The following NSD3 variants were observed in gnomAD, a reference collection of about 807,000 sequenced individuals.
The protein encoded by NSD3 is nuclear receptor binding SET domain protein 3.
In NSD3, 24 loss-of-function variants were observed where a neutral mutation model predicts 160.8. The observed-to-expected ratio is 0.15, with a 90% CI of 0.11 to 0.21. NSD3 has a LOEUF of 0.21. NSD3 is among the 10% of genes least tolerant of loss of function. The pLI, the probability that NSD3 is intolerant of heterozygous loss-of-function variation, is 1.00. For synonymous variants in NSD3, 520 were observed against 600.0 expected (o/e 0.87, Z 1.95); for missense variants, 1,157 against 1,735.9 (o/e 0.67, Z 5.93).
chr8:38,339,152 CA>C lies in NSD3; in HGVS notation c.676-546del, dbSNP rs796533713. ...GAGACTCTGTCTCAAAAAAAAAAAACAAAAAAAAAACCCACTTAATTTCTAA... is the reference window on the plus strand; with the variant it reads ...GAGACTCTGTCTCAAAAAAAAAAAACAAAAAAAAACCCACTTAATTTCTAA... On this transcript the variant is annotated intron_variant, in intron 2 of 23. Transcript: ENST00000317025. 3.5e-3 allele frequency among the ~76,000 whole-genome samples: 452 copies of C among 130,770 alleles called. 3 individuals carry two copies. Among genetic ancestry groups the C allele is most frequent in the Middle Eastern group, 0.026 (7 of 266 alleles). The allele number at this position is 130,770 out of a possible 152,430, so 85.8% of individuals were successfully genotyped here.
chr8:38,368,783 C>T (rs2150394099), intron 1 of NSD3, among the ~76,000 whole-genome samples: 1 of 152,300 alleles, frequency 6.6e-6, no homozygotes, highest in South Asian at 2.1e-4. Context: ...ACATTATTTT[C>T]CAATCCTTTA....
In NSD3 at chr8:38,329,306, T is replaced by C. The variant is rs1170346530; in HGVS notation, c.1581+72A>G. 5.3e-6 allele frequency: 8 copies of C among 1,503,824 alleles called. No homozygotes were observed. Among genetic ancestry groups the C allele is most frequent in the Middle Eastern group, 1.8e-4 (1 of 5,654 alleles). The allele number at this position is 1,503,824 out of a possible 1,614,324, so 93.2% of individuals were successfully genotyped here. A position where few individuals can be genotyped will look rare whatever the true frequency, so the allele number is the denominator to read the frequency against. The stretch of plus-strand genomic sequence containing the variant: ...GGGTATTTAAATTATGCCAAGGTCA[T>C]TGTTTTAAATGCCAAGGTTGACCAC... On this transcript the variant is annotated intron_variant, in intron 6 of 23. Coordinates refer to ENST00000317025, the MANE Select transcript of NSD3 (RefSeq NM_023034.2). The surrounding 1 kb of genome is among the most constrained non-coding windows in gnomAD (Gnocchi z 4.8).
chr8:38,376,877 T>G (rs944515858), intron 1 of NSD3, among the ~76,000 whole-genome samples: 6 of 152,240 alleles, frequency 3.9e-5, no homozygotes, highest in African/African-American at 1.4e-4. Context: ...CTATCTCTCT[T>G]CCATTTAACA....
At chr8:38,278,433 T>C (rs1808663247) in intron 21 of NSD3, 21 bp from the exon 22 acceptor site, 2 of 1,586,702 alleles carry the variant, frequency 1.3e-6, no homozygotes, top group East Asian at 2.3e-5. Context: ...GGAGAAATAA[T>C]TATTCAAACT....
In NSD3 at chr8:38,337,396, A is replaced by G. The variant is rs748588546; in HGVS notation, c.819T>C (p.Leu273=). 9.3e-6 allele frequency: 15 copies of G among 1,612,834 alleles called. No individual in the cohort carries two copies. Among genetic ancestry groups the G allele is most frequent in the East Asian group, 2.2e-5 (1 of 44,770 alleles). Residue 273 remains leucine, a synonymous_variant, in exon 4 of 24, where the codon CTT becomes CTC. Transcript: ENST00000317025. ...STGVKFQVGD[L]VWSKVGTYPW... is the part of the protein sequence containing the mutation. ...GATAGGTTCCCACCTTGGACCACAC[A>G]AGATCGCCAACCTGAAACTTAACAC...
chr8:38,361,968 C>T (rs1445107843), intron 1 of NSD3, among the ~76,000 whole-genome samples: 1 of 151,970 alleles, frequency 6.6e-6, no homozygotes, highest in African/African-American at 2.4e-5. Flanking sequence ...TACCTAAAGA[C>T]TTCCATTGAG....
intron 2 of NSD3, among the ~76,000 whole-genome samples, chr8:38,340,954 A>C (rs578215551): frequency 6.6e-6 from 1 of 152,084 alleles, no homozygotes; most frequent in East Asian, 1.9e-4. Context: ...CTTGAGGCCA[A>C]GAGTTCAAGA....
intron 22 of NSD3, among the ~76,000 whole-genome samples, 164 bp downstream of exon 22, chr8:38,278,142 G>A (rs1381493548): frequency 6.6e-6 from 1 of 152,036 alleles, no homozygotes; most frequent in Non-Finnish European, 1.5e-5. Context: ...GTTTCACCGT[G>A]TTAGCCAGGA....
At chr8:38,336,673 A>G (rs535556957) in intron 4 of NSD3, among the ~76,000 whole-genome samples, 14 of 152,276 alleles carry the variant, frequency 9.2e-5, no homozygotes, top group African/African-American at 2.4e-4. Context: ...GCTTGTCCAT[A>G]TGCTTTCTTT....
At chr8:38,328,114 C>A (rs1190826211) in intron 6 of NSD3, among the ~76,000 whole-genome samples, 1 of 151,952 alleles carries the variant, frequency 6.6e-6, no homozygotes, top group Admixed American at 6.6e-5. Flanking sequence ...GGCAGAAGAT[C>A]CCTTGGGGCT....
intron 16 of NSD3, 128 bp downstream of exon 16, chr8:38,295,668 C>T: frequency 8.5e-6 from 6 of 702,250 alleles, no homozygotes; most frequent in Non-Finnish European, 1.3e-5. Flanking sequence ...TGGTTCTTTT[C>T]TTTTTTTTTT....
chr8:38,357,766 TG>T (rs1190250712), intron 1 of NSD3, among the ~76,000 whole-genome samples: 1 of 152,216 alleles, frequency 6.6e-6, no homozygotes, highest in Non-Finnish European at 1.5e-5. Context: ...GGGGCTTCAA[TG>T]AATCTTTTAA....
At position 38,329,652 on chromosome 8, in the gene NSD3, C is replaced by A; in HGVS notation, c.1307G>T (p.Gly436Val). The change falls in exon 6 of 24, where the codon GGG becomes GTG. Residue 436 changes from glycine (G) to valine (V), a missense_variant. Around this residue, in one of 10 missense-constraint regions of NSD3, gnomAD observed 168 missense variants for 208.1 expected, o/e 0.81. Transcript: ENST00000317025. This position sits in a 1 kb window ranked among gnomAD's most constrained non-coding sequence, Gnocchi z 4.8. Reference protein sequence around the residue: ...LNTQPEQTNAGEVASSLSSTE... With the variant: ...LNTQPEQTNAVEVASSLSSTE... ...ACTTGAGAGTGAGGAGGCCACCTCC[C>A]CTGCATTGGTCTGTTCTGGCTGAGT... 6.2e-7 allele frequency: 1 copy of A among 1,614,236 alleles called. No individual in the cohort carries two copies.
intron 1 of NSD3, among the ~76,000 whole-genome samples, chr8:38,376,002 A>ATTAT (rs1329347160): frequency 6.6e-6 from 1 of 152,126 alleles, no homozygotes; most frequent in South Asian, 2.1e-4. Context: ...GAAAAAAAAA[A>ATTAT]TTAAATAAAG....
In NSD3 at chr8:38,329,296, G is replaced by A; in HGVS notation, c.1581+82C>T. The A allele has an allele frequency of 6.8e-7, 1 of 1,465,218 alleles. No homozygotes were observed. Among genetic ancestry groups the A allele is most frequent in the Non-Finnish European group, 9.2e-7 (1 of 1,084,332 alleles). The allele number at this position is 1,465,218 out of a possible 1,614,324, so 90.8% of individuals were successfully genotyped here. A position where few individuals can be genotyped will look rare whatever the true frequency, so the allele number is the denominator to read the frequency against. On this transcript the variant is annotated intron_variant, in intron 6 of 23. Coordinates refer to ENST00000317025, the MANE Select transcript of NSD3 (RefSeq NM_023034.2). This position sits in a 1 kb window ranked among gnomAD's most constrained non-coding sequence, Gnocchi z 4.8. ...TGGGTAGAAAGGGTATTTAAATTAT[G>A]CCAAGGTCATTGTTTTAAATGCCAA... is the stretch of plus-strand genomic sequence containing the variant.
chr8:38,309,633 A>G (rs896772830), intron 12 of NSD3, among the ~76,000 whole-genome samples: 42 of 152,044 alleles, frequency 2.8e-4, no homozygotes, highest in African/African-American at 9.7e-4. Flanking sequence ...AGCCTGGGCA[A>G]TGGGACCAAA....
At chr8:38,315,584 A>C (rs1182727031) in intron 10 of NSD3, 40 bp from the exon 11 acceptor site, 1 of 1,606,970 alleles carries the variant, frequency 6.2e-7, no homozygotes, top group Non-Finnish European at 8.5e-7. Flanking sequence ...AAACAAAATG[A>C]AAATTCCCTC....
At chr8:38,307,008 G>A (rs1008319255) in intron 12 of NSD3, among the ~76,000 whole-genome samples, 7 of 151,462 alleles carry the variant, frequency 4.6e-5, no homozygotes, top group Non-Finnish European at 8.8e-5. Flanking sequence ...GCAGCTACTC[G>A]GGAGGCAGAG....
chr8:38,315,896 C>G lies in NSD3; in HGVS notation c.1986+16G>C, dbSNP rs1212263842. ...TCAAGAAAGAACACTTTGTCCAGAC[C>G]CTTGCACATATTTACCTGCAGGTCA... On this transcript the variant is annotated intron_variant, in intron 10 of 23. Coordinates refer to ENST00000317025, the MANE Select transcript of NSD3 (RefSeq NM_023034.2). 1 of 1,613,108 alleles carries G rather than the reference C, an allele frequency of 6.2e-7. No homozygotes were observed. The highest frequency in any genetic ancestry group is 2.2e-5 in the East Asian group (1 of 44,858).
Sources: allele counts gnomAD v4.1 joint callset (sites outside exome capture counted in the v4.1 genomes callset), GRCh38; gene constraint gnomAD v4.1.1; regional missense constraint gnomAD v4.1.1; non-coding constraint Gnocchi (gnomAD v3.1); transcripts MANE v1.5; gene names NCBI Gene and HGNC (gene_info 2026-07-23, HGNC 2026-07-21).